The following TTN variants were observed in gnomAD, a reference collection of about 807,000 sequenced individuals.
TTN encodes the protein titin.
In TTN, 1,525 loss-of-function variants were observed where a neutral mutation model predicts 3,223.0. That is an observed-to-expected ratio of 0.47 (90% CI 0.45 to 0.49). The LOEUF (loss-of-function observed/expected upper bound fraction) is 0.49. Ranked by LOEUF, TTN falls within the 20% of genes least tolerant of loss-of-function variation. The pLI is 0.00. For missense variants in TTN, 40,786 were observed against 43,424.0 expected (o/e 0.94, Z 5.40); for synonymous variants, 14,094 against 15,161.0 (o/e 0.93, Z 5.17).
Position 178,559,685 on chromosome 2 carries a change from TTGGCATTTTCAA to T in TTN, c.86435_86446del (p.Ile28812_Ala28815del), listed in dbSNP as rs1330132479. The T allele has an allele frequency of 6.2e-7, 1 of 1,610,368 alleles. No homozygotes were observed. The highest frequency in any genetic ancestry group is 1.3e-5 in the African/African-American group (1 of 74,822). On this transcript the variant is annotated inframe_deletion, in exon 326 of 363. Coordinates refer to ENST00000589042, the MANE Select transcript of TTN (RefSeq NM_001267550.2). ...TGTGTACTTTCCAGAGTCATTTCTG[TTGGCATTTTCAA>T]TGGTCAGTGATGTACGAGAGTCTGT...
Position 178,550,265 on chromosome 2 carries a change from T to C in TTN, c.91573A>G (p.Ile30525Val), listed in dbSNP as rs72648244. The C allele has an allele frequency of 7.8e-3, 12,599 of 1,606,414 alleles. 64 individuals are homozygous for C. The highest frequency in any genetic ancestry group is 9.3e-3 in the Non-Finnish European group (10,970 of 1,175,828). The change falls in exon 337 of 363, where the codon ATA becomes GTA. Residue 30525 changes from isoleucine to valine, a missense_variant. Coordinates refer to ENST00000589042, the MANE Select transcript of TTN (RefSeq NM_001267550.2). Reference sequence around the variant, plus strand: ...AAGTATTCAGGGCCAAACTCTACTATTGGTGGAACTATAAAAGAAAGAGAA... The same window carrying C: ...AAGTATTCAGGGCCAAACTCTACTACTGGTGGAACTATAAAAGAAAGAGAA... Reference protein sequence around the residue: ...IMTRDENVPPIVEFGPEYFDG... With the variant: ...IMTRDENVPPVVEFGPEYFDG...
At chr2:178,553,882 C>G in intron 333 of TTN, 32 bp downstream of exon 333, 2 of 1,564,854 alleles carry the variant, frequency 1.3e-6, no homozygotes, top group African/African-American at 1.4e-5. Flanking sequence ...ATAGAAGACA[C>G]AGGTGAAGAT....
Position 178,612,882 on chromosome 2 carries a change from T to C in TTN, c.49839A>G (p.Pro16613=), listed in dbSNP as rs1559794388. 1 of 1,612,590 alleles carries C rather than the reference T, an allele frequency of 6.2e-7. No individual in the cohort carries two copies. Among genetic ancestry groups the C allele is most frequent in the East Asian group, 2.2e-5 (1 of 44,544 alleles). The part of the protein sequence containing the change: ...EGVPTTQHLL[P]GLMEGQEYSF... ...AGTATTCCTGTCCTTCCATGAGCCC[T>C]GGGAGCAAGTGCTGAGTGGTGGGAA... is the stretch of plus-strand genomic sequence containing the variant. Residue 16613 remains proline, a synonymous_variant, in exon 265 of 363, where the codon CCA becomes CCG. Coordinates refer to ENST00000589042, the MANE Select transcript of TTN (RefSeq NM_001267550.2).
At chr2:178,583,394 C>G (rs2048219910) in intron 312 of TTN, 167 bp from the exon 313 acceptor site, 2 of 841,296 alleles carry the variant, frequency 2.4e-6, no homozygotes, top group African/African-American at 3.5e-5. Flanking sequence ...TATTGAATAA[C>G]TATTGAAATT....
chr2:178,544,230 A>G lies in TTN; in HGVS notation c.95999T>C (p.Ile32000Thr), dbSNP rs772265662. ...TCTTTCCACGGGCTCAATTTCAGCA[A>G]TTGATTCGCTGTATTCGCTCATACC... is the stretch of plus-strand genomic sequence containing the variant. ...VKGMSEYSESIAEIEPVERIE... is the reference protein window; with the variant it reads ...VKGMSEYSESTAEIEPVERIE... The change falls in exon 345 of 363, where the codon ATT (isoleucine) becomes ACT (threonine). Residue 32000 changes from isoleucine to threonine, a missense_variant. Ile to Thr is a moderately conservative substitution (Grantham distance 89, BLOSUM62 -1). Coordinates refer to ENST00000589042, the MANE Select transcript of TTN (RefSeq NM_001267550.2). 8.1e-6 allele frequency: 13 copies of G among 1,613,456 alleles called. No homozygotes were observed. The highest frequency in any genetic ancestry group is 1.7e-5 in the Admixed American group (1 of 60,014).
rs727504672 is a variant in TTN, at chr2:178,550,106, C to T, written c.91732G>A (p.Val30578Ile). 153 of 1,613,822 alleles carry T rather than the reference C, an allele frequency of 9.5e-5. No individual in the cohort carries two copies. Among genetic ancestry groups the T allele is most frequent in the Middle Eastern group, 8.3e-4 (5 of 6,060 alleles). The change falls in exon 337 of 363, where the codon GTA becomes ATA. Residue 30578 changes from valine (V) to isoleucine (I), a missense_variant. By Grantham distance (29) the Val-to-Ile change is conservative. Transcript: ENST00000589042. ...ACAAATAGGCTGGTGGATCCAAGTA[C>T]GTCGGTTATTTCCATATTCATCCTC... ...EKRMNMEITD[V>I]LGSTSLFVRD...
chr2:178,779,722 C>A, intron 22 of TTN: 2 of 532,644 alleles, frequency 3.8e-6, no homozygotes, highest in East Asian at 3.2e-5. Flanking sequence ...ATGAAGAGAT[C>A]TTGGCATGAA....
chr2:178,593,958 T>C lies in TTN; in HGVS notation c.58432+3A>G, dbSNP rs2050839236. 1 of 1,613,214 alleles carries C rather than the reference T, an allele frequency of 6.2e-7. No individual in the cohort carries two copies. Reference sequence around the variant, plus strand: ...TCTATTCTTTCCACTAAATAAGACTTACCAACAACATTAACTTGACAGAAA... The same window carrying C: ...TCTATTCTTTCCACTAAATAAGACTCACCAACAACATTAACTTGACAGAAA... On this transcript the variant is annotated splice_donor_region_variant and intron_variant, in intron 297 of 362. Transcript: ENST00000589042.
rs778513587 is a variant in TTN, at chr2:178,547,684, G to A, written c.93942C>T (p.Gly31314=). 1 of 1,613,782 alleles carries A rather than the reference G, an allele frequency of 6.2e-7. No individual in the cohort carries two copies. The highest frequency in any genetic ancestry group is 2.2e-5 in the East Asian group (1 of 44,880). The change falls in exon 339 of 363, where the codon GGC becomes GGT. Residue 31314 remains glycine, a synonymous_variant. Transcript: ENST00000589042. ...CTGAGACAGATGAGACCTCAATGGG[G>A]CCGGTTACTGGACCTGGCCTTCCAA... The part of the protein sequence containing the change: ...VVIGRPGPVT[G]PIEVSSVSAE...
intron 30 of TTN, 39 bp downstream of exon 30, chr2:178,774,168 T>C (rs201723871): frequency 2.5e-6 from 4 of 1,614,032 alleles, no homozygotes; most frequent in South Asian, 1.1e-5. Context: ...TAAACCATAA[T>C]GATGCTCACT....
In TTN at chr2:178,571,001, TCAA is replaced by T; in HGVS notation, c.75128_75130del (p.Val25043del). ...ACGGCCCTCAGGTAATTCTTTCTTCTCAACAATATAACCAGTGATCTTGCTTCC... is the reference window on the plus strand; with the variant it reads ...ACGGCCCTCAGGTAATTCTTTCTTCTCAATATAACCAGTGATCTTGCTTCC... On this transcript the variant is annotated inframe_deletion, in exon 326 of 363. Transcript: ENST00000589042. The T allele has an allele frequency of 6.2e-7, 1 of 1,613,276 alleles. No homozygotes were observed. The highest frequency in any genetic ancestry group is 8.5e-7 in the Non-Finnish European group (1 of 1,179,434).
chr2:178,769,794 T>C lies in TTN; in HGVS notation c.8787A>G (p.Ile2929Met). The change falls in exon 37 of 363, where the codon ATA (isoleucine) becomes ATG (methionine). Residue 2929 changes from isoleucine (I) to methionine (M), a missense_variant. Ile to Met is a conservative substitution (Grantham distance 10). Transcript: ENST00000589042. ...VEIEMSEKFKIVVQGKLHQLI... is the reference protein window; with the variant it reads ...VEIEMSEKFKMVVQGKLHQLI... ...GCTGATGGAGTTTTCCCTGCACAAC[T>C]ATCTTGAACTTTTCACTCATCTCAA... is the stretch of plus-strand genomic sequence containing the variant. 6.2e-7 allele frequency: 1 copy of C among 1,614,102 alleles called. No individual in the cohort carries two copies. Among genetic ancestry groups the C allele is most frequent in the Non-Finnish European group, 8.5e-7 (1 of 1,179,996 alleles).
In TTN at chr2:178,574,371, C is replaced by G. The variant is rs369272565; in HGVS notation, c.71761G>C (p.Ala23921Pro). 2 of 1,613,424 alleles carry G rather than the reference C, an allele frequency of 1.2e-6. No homozygotes were observed. The highest frequency in any genetic ancestry group is 2.7e-5 in the African/African-American group (2 of 74,880). ...CCAGGTGGGTCAATGGGATCCAGAG[C>G]CAACATAGGTTCTGATGGCTTGCTT... Reference protein sequence around the residue: ...KPSKPSEPMLALDPIDPPGKP... With the variant: ...KPSKPSEPMLPLDPIDPPGKP... The change falls in exon 326 of 363, where the codon GCT (alanine) becomes CCT (proline). Residue 23921 changes from alanine to proline, a missense_variant. By Grantham distance (27) the Ala-to-Pro change is conservative. Transcript: ENST00000589042.
At position 178,532,890 on chromosome 2, in the gene TTN, A is replaced by G. The variant is rs1298859508; in HGVS notation, c.103725T>C (p.Arg34575=). 1.2e-6 allele frequency: 2 copies of G among 1,613,948 alleles called. No homozygotes were observed. Among genetic ancestry groups the G allele is most frequent in the Non-Finnish European group, 1.7e-6 (2 of 1,179,878 alleles). ...GTTTCCCAGGCATTTCATACTGATCACGTATCTTTTTATACCACTTCATGT... is the reference window on the plus strand; with the variant it reads ...GTTTCCCAGGCATTTCATACTGATCGCGTATCTTTTTATACCACTTCATGT... ...MSDMKWYKKI[R]DQYEMPGKLD... Residue 34575 remains arginine (R), a synonymous_variant, in exon 358 of 363, where the codon CGT becomes CGC. Coordinates refer to ENST00000589042, the MANE Select transcript of TTN (RefSeq NM_001267550.2).
At position 178,567,926 on chromosome 2, in the gene TTN, T is replaced by C. The variant is rs751057466; in HGVS notation, c.78206A>G (p.Asn26069Ser). 1 of 1,613,590 alleles carries C rather than the reference T, an allele frequency of 6.2e-7. No homozygotes were observed. Among genetic ancestry groups the C allele is most frequent in the Middle Eastern group, 1.7e-4 (1 of 6,058 alleles). Reference sequence around the variant, plus strand: ...GCTTGCTTTGCCTACACCAACAATATTTTCAGCATACACTCTGAATTCATA... The same window carrying C: ...GCTTGCTTTGCCTACACCAACAATACTTTCAGCATACACTCTGAATTCATA... ...IEYEFRVYAE[N>S]IVGVGKASKN... Residue 26069 changes from asparagine (N) to serine (S), a missense_variant, in exon 326 of 363, where the codon AAT (asparagine) becomes AGT (serine). Physicochemically the swap from Asn to Ser is conservative, Grantham distance 46. Transcript: ENST00000589042.
rs1419332401 is a variant in TTN at position 178,620,735 on chromosome 2, G to A, written c.45875C>T (p.Ala15292Val). 1.2e-6 allele frequency: 2 copies of A among 1,612,516 alleles called. No homozygotes were observed. The highest frequency in any genetic ancestry group is 2.7e-5 in the African/African-American group (2 of 74,796). Residue 15292 changes from alanine (A) to valine (V), a missense_variant, in exon 247 of 363, where the codon GCA becomes GTA. Coordinates refer to ENST00000589042, the MANE Select transcript of TTN (RefSeq NM_001267550.2). Reference sequence around the variant, plus strand: ...CTTACCTTCTACTATTAGATTGGCTGCACTTTTAACATTTTCACCTCTGTG... The same window carrying A: ...CTTACCTTCTACTATTAGATTGGCTACACTTTTAACATTTTCACCTCTGTG... ...TNHRGENVKS[A>V]ANLIVEEEDL...
chr2:178,611,796 C>T lies in TTN; in HGVS notation c.50513G>A (p.Ser16838Asn), dbSNP rs755391418. Residue 16838 changes from serine (S) to asparagine (N), a missense_variant, in exon 268 of 363, where the codon AGT (serine) becomes AAT (asparagine). Transcript: ENST00000589042. ...AENEAGVGHPSEPTEILSIED... is the reference protein window; with the variant it reads ...AENEAGVGHPNEPTEILSIED... Reference sequence around the variant, plus strand: ...AATGGATAGGATTTCTGTGGGTTCACTTGGGTGGCCAACTCCAGCTTCATT... The same window carrying T: ...AATGGATAGGATTTCTGTGGGTTCATTTGGGTGGCCAACTCCAGCTTCATT... 1 of 1,612,830 alleles carries T rather than the reference C, an allele frequency of 6.2e-7. No homozygotes were observed.
rs2050133454 is a variant in TTN at position 178,591,256 on chromosome 2, C to T, written c.60469G>A (p.Ala20157Thr). Residue 20157 changes from alanine to threonine, a missense_variant, in exon 304 of 363, where the codon GCC becomes ACC. Transcript: ENST00000589042. ...TGTACGGCTACTGTTTTGCTACCGG[C>T]TGCATTGGAAACTGTGATTTGATAT... ...GEYQITVSNA[A>T]GSKTVAVHLT... 6.2e-7 allele frequency: 1 copy of T among 1,613,170 alleles called. No homozygotes were observed.
In TTN at chr2:178,554,088, TGTCTC is replaced by T; in HGVS notation, c.89018_89022del (p.Arg29673GlnfsTer8). The T allele has an allele frequency of 6.2e-7, 1 of 1,613,892 alleles. No individual in the cohort carries two copies. Among genetic ancestry groups the T allele is most frequent in the Non-Finnish European group, 8.5e-7 (1 of 1,179,828 alleles). ...ACTTTAAACCATCCTAGGCTCTTCT[TGTCTC>T]GTTTTTCAAGGAAATAGCCACTTAT... On this transcript the variant is annotated frameshift_variant, in exon 333 of 363. Coordinates refer to ENST00000589042, the MANE Select transcript of TTN (RefSeq NM_001267550.2). LOFTEE classifies it high-confidence loss of function.
Sources: allele counts gnomAD v4.1 joint callset, GRCh38; gene constraint gnomAD v4.1.1; transcripts MANE v1.5; gene names NCBI Gene and HGNC (gene_info 2026-07-23, HGNC 2026-07-21).